Variants in FNDC3B observed in about 807,000 individuals in gnomAD.
FNDC3B encodes fibronectin type III domain containing 3B.
Under a neutral mutation model 151.5 loss-of-function variants are expected in FNDC3B, and 12 were observed. That is an observed-to-expected ratio of 0.08 (90% CI 0.05 to 0.13). The LOEUF (loss-of-function observed/expected upper bound fraction) is 0.13, where lower values mean the gene tolerates loss of function less well. FNDC3B is among the 10% of genes least tolerant of loss of function. The pLI is 1.00. For synonymous variants in FNDC3B, 528 were observed against 549.0 expected, an observed-to-expected ratio of 0.96 and a Z score of 0.54; for missense variants, 1,214 against 1,505.3, an observed-to-expected ratio of 0.81 and a Z score of 3.20.
intron 1 of FNDC3B, among the ~76,000 whole-genome samples, chr3:172,110,361 G>A (rs942321821): frequency 3.3e-5 from 5 of 152,032 alleles, no homozygotes; most frequent in Non-Finnish European, 5.9e-5. Context: ...CAAAACTTTG[G>A]TTAGATGGGT....
In FNDC3B at chr3:172,330,620, G is replaced by A. The variant is rs1386878179; in HGVS notation, c.1459G>A (p.Gly487Ser). The change falls in exon 13 of 26, where the codon GGC (glycine) becomes AGC (serine). Residue 487 changes from glycine (G) to serine (S), a missense_variant. Transcript: ENST00000415807. ...TTCTGCACCAAGGCTGGTTCGAGCTGGCATCACATGGGTCACGTTGCAGTG... is the reference window on the plus strand; with the variant it reads ...TTCTGCACCAAGGCTGGTTCGAGCTAGCATCACATGGGTCACGTTGCAGTG... ...MPSAPRLVRA[G>S]ITWVTLQWSK... is the part of the protein sequence containing the mutation. The A allele has an allele frequency of 1.9e-6, 3 of 1,614,156 alleles. No homozygotes were observed. The highest frequency in any genetic ancestry group is 2.5e-6 in the Non-Finnish European group (3 of 1,179,992).
intron 3 of FNDC3B, among the ~76,000 whole-genome samples, chr3:172,204,486 G>A (rs1413947043): frequency 6.6e-6 from 1 of 151,740 alleles, no homozygotes; most frequent in Non-Finnish European, 1.5e-5. Flanking sequence ...ATACATACAT[G>A]CACAGACAAA....
chr3:172,316,911 G>T (rs1344113210), intron 11 of FNDC3B, among the ~76,000 whole-genome samples: 1 of 152,248 alleles, frequency 6.6e-6, no homozygotes, highest in Non-Finnish European at 1.5e-5. Context: ...AAGCTGGGAA[G>T]TTCAAGGTCA....
In FNDC3B at chr3:172,083,975, G is replaced by A. The variant is rs186815988; in HGVS notation, c.-28-28477G>A. Among the ~76,000 whole-genome samples, 34 of 152,022 alleles carry A rather than the reference G, an allele frequency of 2.2e-4. No homozygotes were observed. The East Asian group carries it at 6.0e-3, about 27-fold the overall frequency. On this transcript the variant is annotated intron_variant, in intron 1 of 25. Transcript: ENST00000415807. The stretch of plus-strand genomic sequence containing the variant: ...GAAAGTTATTTATATTCTTAGTAAA[G>A]GAAATTTTTTTTTTCAGACAATAGA...
chr3:172,348,147 C>A (rs913698496), intron 21 of FNDC3B, among the ~76,000 whole-genome samples: 3 of 152,128 alleles, frequency 2.0e-5, no homozygotes, highest in Non-Finnish European at 2.9e-5. Context: ...TGGTTGTTGA[C>A]CTTGAAGAGC....
intron 11 of FNDC3B, chr3:172,317,316 T>C: frequency 6.2e-6 from 2 of 323,516 alleles, no homozygotes; most frequent in Non-Finnish European, 1.2e-5. Context: ...CCCGAGTAAC[T>C]GGGACTACAG....
chr3:172,330,331 G>A, intron 12 of FNDC3B: 1 of 478,706 alleles, frequency 2.1e-6, no homozygotes, highest in South Asian at 3.5e-5. Context: ...CCTGTGACTT[G>A]GTGTGTGTGT....
At chr3:172,392,295 A>G (rs1310723653) in intron 25 of FNDC3B, among the ~76,000 whole-genome samples, 3 of 152,218 alleles carry the variant, frequency 2.0e-5, no homozygotes, top group Non-Finnish European at 4.4e-5. Flanking sequence ...AAACAGGATA[A>G]CTCACCAGGA....
At chr3:172,076,291 G>C (rs1355080020) in intron 1 of FNDC3B, among the ~76,000 whole-genome samples, 1 of 152,118 alleles carries the variant, frequency 6.6e-6, no homozygotes, top group Non-Finnish European at 1.5e-5. Flanking sequence ...ATGTGTTAGG[G>C]CTATCCTTGG....
intron 22 of FNDC3B, among the ~76,000 whole-genome samples, chr3:172,357,658 C>G (rs963358998): frequency 2.0e-5 from 3 of 152,172 alleles, no homozygotes; most frequent in African/African-American, 7.2e-5. Context: ...GCTGTCTCAG[C>G]CTCCTGTGCT....
chr3:172,088,055 T>C (rs1718639785), intron 1 of FNDC3B, among the ~76,000 whole-genome samples: 1 of 152,126 alleles, frequency 6.6e-6, no homozygotes. Flanking sequence ...AACCAGGAAA[T>C]TGCCTGCCAC....
chr3:172,311,747 G>A (rs931544845), intron 11 of FNDC3B, among the ~76,000 whole-genome samples: 2 of 150,912 alleles, frequency 1.3e-5, no homozygotes, highest in Admixed American at 6.6e-5. Flanking sequence ...GCGTAGTGGC[G>A]GGCGCCTGTA....
intron 21 of FNDC3B, among the ~76,000 whole-genome samples, chr3:172,349,799 G>A (rs1733774042): frequency 6.6e-6 from 1 of 152,102 alleles, no homozygotes; most frequent in African/African-American, 2.4e-5. Flanking sequence ...GGGATTACAG[G>A]CGCCTGCCAC....
At chr3:172,252,772 T>G (rs1272280626) in intron 6 of FNDC3B, among the ~76,000 whole-genome samples, 1 of 152,172 alleles carries the variant, frequency 6.6e-6, no homozygotes, top group Admixed American at 6.5e-5. Flanking sequence ...ATTTGAATTA[T>G]GTATTCTTTT....
At chr3:172,104,611 TG>T (rs1171065686) in intron 1 of FNDC3B, among the ~76,000 whole-genome samples, 1 of 152,214 alleles carries the variant, frequency 6.6e-6, no homozygotes, top group Admixed American at 6.5e-5. Flanking sequence ...CCAATGGCAG[TG>T]TCCCACATCA....
chr3:172,298,227 C>CT (rs955134156), intron 8 of FNDC3B, among the ~76,000 whole-genome samples: 1 of 152,110 alleles, frequency 6.6e-6, no homozygotes, highest in African/African-American at 2.4e-5. Context: ...TCAGTTGCAA[C>CT]TTTTGAGGAC....
chr3:172,156,877 C>T (rs141043661), intron 3 of FNDC3B, among the ~76,000 whole-genome samples: 101 of 152,164 alleles, frequency 6.6e-4, no homozygotes, highest in Middle Eastern at 3.4e-3. Context: ...CATCAGATTA[C>T]GGACTATCAG....
chr3:172,050,691 G>A (rs1716597547), intron 1 of FNDC3B, among the ~76,000 whole-genome samples: 1 of 138,756 alleles, frequency 7.2e-6, no homozygotes, highest in African/African-American at 2.6e-5. Context: ...GCCTTTGTGG[G>A]TATATTTTCG....
At chr3:172,093,406 C>T (rs533186903) in intron 1 of FNDC3B, among the ~76,000 whole-genome samples, 66 of 152,012 alleles carry the variant, frequency 4.3e-4, no homozygotes, top group African/African-American at 1.4e-3. Flanking sequence ...CTACAGGCGC[C>T]CGCCACCGCA....
Sources: allele counts gnomAD v4.1 joint callset (sites outside exome capture counted in the v4.1 genomes callset), GRCh38; gene constraint gnomAD v4.1.1; transcripts MANE v1.5; gene names NCBI Gene and HGNC (gene_info 2026-07-23, HGNC 2026-07-21).